Variants in CPSF3 observed in about 807,000 individuals in gnomAD.
CPSF3 encodes cleavage and polyadenylation specific factor 3.
Under a neutral mutation model 84.1 loss-of-function variants are expected in CPSF3, and 57 were observed. That is an observed-to-expected ratio of 0.68 (90% CI 0.55 to 0.85). The LOEUF is 0.85. Ranked by LOEUF, CPSF3 falls within the 40% of genes least tolerant of loss-of-function variation. The pLI is 0.00. For synonymous variants in CPSF3, 275 were observed against 278.1 expected, an observed-to-expected ratio of 0.99 and a Z score of 0.11; for missense variants, 522 against 838.8, an observed-to-expected ratio of 0.62 and a Z score of 4.66.
intron 15 of CPSF3, among the ~76,000 whole-genome samples, chr2:9,466,180 G>A (rs1023649240): frequency 1.3e-5 from 2 of 150,208 alleles, no homozygotes; most frequent in East Asian, 2.0e-4. Context: ...GTCTCTACAC[G>A]CACACACACA....
At chr2:9,457,147 A>ATGTGTGTGTGTGTG (rs70948817) in intron 14 of CPSF3, 120 bp downstream of exon 14, 97 of 333,920 alleles carry the variant, frequency 2.9e-4, no homozygotes, top group African/African-American at 3.4e-4. Flanking sequence ...TGGAAAGTAT[A>ATGTGTGTGTGTGTG]TGTGTGTGTG....
At chr2:9,449,710 C>G (rs1433319014) in intron 11 of CPSF3, among the ~76,000 whole-genome samples, 2 of 152,006 alleles carry the variant, frequency 1.3e-5, no homozygotes, top group Non-Finnish European at 2.9e-5. Flanking sequence ...TCACGGCACT[C>G]CAGCCTGGGT....
At chr2:9,429,320 T>C (rs1680495786) in intron 2 of CPSF3, among the ~76,000 whole-genome samples, 1 of 152,238 alleles carries the variant, frequency 6.6e-6, no homozygotes, top group African/African-American at 2.4e-5. Context: ...AGGTACTCAT[T>C]AGAAAGTCAG....
chr2:9,456,901 A>G (rs1238681985), intron 13 of CPSF3, 32 bp from the exon 14 acceptor site: 3 of 1,287,166 alleles, frequency 2.3e-6, no homozygotes, highest in South Asian at 1.3e-5. Flanking sequence ...TCAGAAAAGT[A>G]TATACATCTT....
chr2:9,431,147 C>T (rs778997985), intron 4 of CPSF3, among the ~76,000 whole-genome samples: 56 of 152,182 alleles, frequency 3.7e-4, no homozygotes, highest in Non-Finnish European at 1.3e-4. Context: ...GCCTCAGCCA[C>T]CTGGGCTCAA....
intron 10 of CPSF3, among the ~76,000 whole-genome samples, chr2:9,444,520 G>C (rs1224408953): frequency 6.6e-6 from 1 of 152,124 alleles, no homozygotes; most frequent in Admixed American, 6.6e-5. Flanking sequence ...AAAAAAGTGT[G>C]TATTTTTAAT....
rs1308148543 is a variant in CPSF3 at position 9,444,154 on chromosome 2, A to ATT, written c.1242+494_1242+495insTT. Among the ~76,000 whole-genome samples the ATT allele has an allele frequency of 3.5e-3, 495 of 141,340 alleles. 4 individuals are homozygous for ATT. The highest frequency in any genetic ancestry group is 0.013 in the African/African-American group (473 of 37,348). 92.7% of individuals were successfully genotyped at this position (141,340 alleles called of 152,430 possible). ...TAATATATATATTATATATATATATATATATTTTTTTTTTTTTTGAGGCGG... is the reference window on the plus strand; with the variant it reads ...TAATATATATATTATATATATATATATTTATATTTTTTTTTTTTTTGAGGCGG... On this transcript the variant is annotated intron_variant, in intron 10 of 17. Coordinates refer to ENST00000238112, the MANE Select transcript of CPSF3 (RefSeq NM_016207.4).
chr2:9,425,907 A>T (rs1355778801), intron 1 of CPSF3, among the ~76,000 whole-genome samples: 1 of 152,212 alleles, frequency 6.6e-6, no homozygotes. Context: ...GCAGTCATAG[A>T]CAATCCCCAC....
rs764553318 is a variant in CPSF3, at chr2:9,443,766, C to A, written c.1242+105C>A. Reference sequence around the variant, plus strand: ...AAGCAGGCATCATCACCTACTAATGCGACACCCCCTGAGCAGAGCCTTTCA... The same window carrying A: ...AAGCAGGCATCATCACCTACTAATGAGACACCCCCTGAGCAGAGCCTTTCA... On this transcript the variant is annotated intron_variant, in intron 10 of 17. Transcript: ENST00000238112. The A allele has an allele frequency of 4.9e-6, 6 of 1,220,238 alleles. No individual in the cohort carries two copies. In the East Asian group the frequency reaches 7.0e-5, roughly 14 times the overall value. 75.6% of individuals were successfully genotyped at this position (1,220,238 alleles called of 1,614,324 possible). A position where few individuals can be genotyped will look rare whatever the true frequency, so the allele number is the denominator to read the frequency against.
At chr2:9,429,898 T>C (rs1410462506) in intron 2 of CPSF3, 25 bp from the exon 3 acceptor site, 10 of 1,459,826 alleles carry the variant, frequency 6.9e-6, no homozygotes, top group Non-Finnish European at 9.5e-6. Flanking sequence ...CAGGAGATTG[T>C]GATCTCTTTT....
At chr2:9,443,733 A>C in intron 10 of CPSF3, 72 bp downstream of exon 10, 7 of 1,535,296 alleles carry the variant, frequency 4.6e-6, no homozygotes, top group Non-Finnish European at 5.3e-6. Context: ...TGCAGCAGGC[A>C]GTTCACAAAG....
At position 9,459,559 on chromosome 2, in the gene CPSF3, A is replaced by G. The variant is rs762381560; in HGVS notation, c.1727A>G (p.Tyr576Cys). The change falls in exon 15 of 18, where the codon TAT becomes TGT. Residue 576 changes from tyrosine (Y) to cysteine (C), a missense_variant. Physicochemically the swap from Tyr to Cys is radical, Grantham distance 194. Coordinates refer to ENST00000238112, the MANE Select transcript of CPSF3 (RefSeq NM_016207.4). ...CTGGCAAACCCTTCTAATGATATGT[A>G]TGCAGATACAGTAACAACTGTGATA... ...EWLANPSNDM[Y>C]ADTVTTVILE... is the part of the protein sequence containing the mutation. 1 of 1,593,820 alleles carries G rather than the reference A, an allele frequency of 6.3e-7. No homozygotes were observed. The highest frequency in any genetic ancestry group is 1.1e-5 in the South Asian group (1 of 90,716).
At chr2:9,450,127 A>G (rs1681264282) in intron 11 of CPSF3, among the ~76,000 whole-genome samples, 1 of 146,220 alleles carries the variant, frequency 6.8e-6, no homozygotes. Flanking sequence ...CCTCCCAAGT[A>G]GCTAGGACTA....
At chr2:9,457,702 G>A (rs1198825805) in intron 14 of CPSF3, among the ~76,000 whole-genome samples, 1 of 152,012 alleles carries the variant, frequency 6.6e-6, no homozygotes. Context: ...AGGTAGAATT[G>A]TATATAAATT....
At chr2:9,432,448 G>C in intron 4 of CPSF3, 63 bp from the exon 5 acceptor site, 1 of 1,214,196 alleles carries the variant, frequency 8.2e-7, no homozygotes, top group Non-Finnish European at 1.1e-6. Context: ...ATTTCTTTGT[G>C]TTCAAAGGCT....
chr2:9,431,022 G>T (rs1680567090), intron 4 of CPSF3, 142 bp downstream of exon 4: 1 of 650,470 alleles, frequency 1.5e-6, no homozygotes, highest in East Asian at 2.8e-5. Context: ...CATTAACAAG[G>T]TCATTGAAAC....
At chr2:9,456,710 ATGTT>A (rs1404546615) in intron 13 of CPSF3, among the ~76,000 whole-genome samples, 3 of 152,220 alleles carry the variant, frequency 2.0e-5, no homozygotes, top group African/African-American at 7.2e-5. Context: ...CACTGATAAA[ATGTT>A]TGATGTCCAG....
rs180793333 is a variant in CPSF3 at position 9,442,716 on chromosome 2, G to C, written c.1095+740G>C. On this transcript the variant is annotated intron_variant, in intron 9 of 17. Coordinates refer to ENST00000238112, the MANE Select transcript of CPSF3 (RefSeq NM_016207.4). Reference sequence around the variant, plus strand: ...AAATACAAAAAATTAGCTGGGCGTGGTGGCGTATGCCTGTAATCCCAGCTA... The same window carrying C: ...AAATACAAAAAATTAGCTGGGCGTGCTGGCGTATGCCTGTAATCCCAGCTA... Among the ~76,000 whole-genome samples the C allele has an allele frequency of 1.6e-3, 247 of 152,212 alleles. 3 individuals are homozygous for C. The highest frequency in any genetic ancestry group is 5.7e-3 in the African/African-American group (235 of 41,524).
intron 10 of CPSF3, among the ~76,000 whole-genome samples, chr2:9,446,960 T>G (rs1681147610): frequency 6.6e-6 from 1 of 152,094 alleles, no homozygotes; most frequent in Non-Finnish European, 1.5e-5. Flanking sequence ...GACAACATAG[T>G]GAGACCTTGT....
Sources: allele counts gnomAD v4.1 joint callset (sites outside exome capture counted in the v4.1 genomes callset), GRCh38; gene constraint gnomAD v4.1.1; transcripts MANE v1.5; gene names NCBI Gene and HGNC (gene_info 2026-07-23, HGNC 2026-07-21).